The following PRDM1 variants were observed in gnomAD, a reference collection of about 807,000 sequenced individuals.
PRDM1 encodes the protein PR domain zinc finger protein 1.
PRDM1 carries 13 observed loss-of-function variants against 62.8 expected under a neutral mutation model. That is an observed-to-expected ratio of 0.21 (90% CI 0.13 to 0.33). The LOEUF (loss-of-function observed/expected upper bound fraction) is 0.33, where lower values mean the gene tolerates loss of function less well. Ranked by LOEUF, PRDM1 falls within the 10% of genes least tolerant of loss-of-function variation. The probability of loss-of-function intolerance (pLI) is 1.00; values close to 1 mark genes in which losing one functional copy is unlikely to be tolerated. For missense variants in PRDM1, 895 were observed against 1,058.8 expected, an observed-to-expected ratio of 0.85 and a Z score of 2.15; for synonymous variants, 396 against 417.6, an observed-to-expected ratio of 0.95 and a Z score of 0.63.
rs1018688399 is a variant in PRDM1 at position 106,086,398 on chromosome 6, G to T, written c.-156G>T. On this transcript the variant is annotated 5_prime_UTR_variant, in exon 1 of 7. Transcript: ENST00000369096. ...AGTGTTGCGGAGAGGCAAGAGCAGC[G>T]ACCGCGGCACCTGTCCGCCCGGAGC... is the stretch of plus-strand genomic sequence containing the variant. The T allele has an allele frequency of 4.9e-6, 3 of 612,856 alleles. No individual in the cohort carries two copies. The highest frequency in any genetic ancestry group is 2.2e-5 in the South Asian group (1 of 45,402). 38.0% of individuals were successfully genotyped at this position (612,856 alleles called of 1,614,324 possible).
chr6:106,008,164 A>T (rs1772504562), intron 1 of PRDM1, among the ~76,000 whole-genome samples: 1 of 152,116 alleles, frequency 6.6e-6, no homozygotes, highest in Admixed American at 6.6e-5. Context: ...CGAGGTCAAG[A>T]GATCGAGACC....
chr6:106,066,051 A>G (rs1188022420), intron 1 of PRDM1, among the ~76,000 whole-genome samples: 3 of 152,180 alleles, frequency 2.0e-5, no homozygotes, highest in Non-Finnish European at 4.4e-5. Flanking sequence ...AAAATCAAGG[A>G]TTTTCAATTA....
rs151271817 is a variant in PRDM1, at chr6:106,105,518, G to A, written c.1358G>A (p.Gly453Glu). The A allele has an allele frequency of 9.8e-5, 158 of 1,613,698 alleles. No individual in the cohort carries two copies. The African/African-American group carries it at 1.9e-3, about 19-fold the overall frequency. Residue 453 changes from glycine (G) to glutamate (E), a missense_variant, in exon 5 of 7, where the codon GGG (glycine) becomes GAG (glutamate). Gly to Glu is a moderately conservative substitution (Grantham distance 98, BLOSUM62 -2). Transcript: ENST00000369096. ...CCTGTCTACAGCAATCTCCTCGGTG[G>A]GGGCAGCCTGCCCCACCCCATGCTC... ...LCPVYSNLLG[G>E]GSLPHPMLNP...
chr6:106,088,296 G>C lies in PRDM1; in HGVS notation c.138G>C (p.Met46Ile), dbSNP rs141771201. ...TMKMDMEDAD[M>I]TLWTEAEFEE... ...AAATGGACATGGAGGATGCGGATATGACTCTGTGGACAGAGGCTGAGTTTG... is the reference window on the plus strand; with the variant it reads ...AAATGGACATGGAGGATGCGGATATCACTCTGTGGACAGAGGCTGAGTTTG... The change falls in exon 2 of 7, where the codon ATG becomes ATC. Residue 46 changes from methionine (M) to isoleucine (I), a missense_variant. By Grantham distance (10) the Met-to-Ile change is conservative (BLOSUM62 1). Transcript: ENST00000369096. The C allele has an allele frequency of 6.2e-7, 1 of 1,614,064 alleles. No individual in the cohort carries two copies. Among genetic ancestry groups the C allele is most frequent in the Non-Finnish European group, 8.5e-7 (1 of 1,180,050 alleles).
intron 1 of PRDM1, among the ~76,000 whole-genome samples, chr6:106,027,727 G>A (rs1202516669): frequency 1.3e-5 from 2 of 152,206 alleles, no homozygotes; most frequent in Non-Finnish European, 2.9e-5. Context: ...ATTCTAAGCA[G>A]TTTTGATTTC....
At chr6:106,021,804 G>C (rs1353945651) in intron 1 of PRDM1, among the ~76,000 whole-genome samples, 1 of 152,078 alleles carries the variant, frequency 6.6e-6, no homozygotes, top group Non-Finnish European at 1.5e-5. Flanking sequence ...ATTTTTAGTA[G>C]AAACAGGGTT....
intron 1 of PRDM1, among the ~76,000 whole-genome samples, chr6:106,069,632 G>C (rs997411019): frequency 6.6e-6 from 1 of 152,214 alleles, no homozygotes; most frequent in African/African-American, 2.4e-5. Context: ...AAAGAGGGAC[G>C]AGCTTCTCAG....
At chr6:106,079,175 G>C (rs1773651911) in intron 1 of PRDM1, among the ~76,000 whole-genome samples, 1 of 151,938 alleles carries the variant, frequency 6.6e-6, no homozygotes. Context: ...ATGTTGGCCA[G>C]GCTGGTCTCA....
intron 4 of PRDM1, 105 bp downstream of exon 4, chr6:106,099,657 G>A: frequency 6.8e-7 from 1 of 1,467,028 alleles, no homozygotes; most frequent in Non-Finnish European, 9.1e-7. Context: ...TCATGTGTTG[G>A]ATGAAGTAGG....
At chr6:106,031,120 T>C (rs1226907476) in intron 1 of PRDM1, among the ~76,000 whole-genome samples, 2 of 152,156 alleles carry the variant, frequency 1.3e-5, no homozygotes, top group Non-Finnish European at 2.9e-5. Flanking sequence ...GAGTTTGGCA[T>C]TCTGGTAAGT....
chr6:106,052,962 A>G lies in PRDM1; in HGVS notation c.-67+4248A>G, dbSNP rs141293554. 5.8e-3 allele frequency among the ~76,000 whole-genome samples: 889 copies of G among 152,138 alleles called. 13 individuals are homozygous for G. Among genetic ancestry groups the G allele is most frequent in the African/African-American group, 0.02 (843 of 41,504 alleles). ...AGCCTGTACAACAGAGTGAGACTCT[A>G]TCTCAAAAAAAAAAAGTTATGGTCA... On this transcript the variant is annotated intron_variant, in intron 1 of 6. Coordinates refer to the PRDM1 transcript ENST00000651185.
At chr6:106,060,778 T>C (rs1773333330) in intron 1 of PRDM1, among the ~76,000 whole-genome samples, 2 of 152,038 alleles carry the variant, frequency 1.3e-5, no homozygotes, top group Admixed American at 6.6e-5. Context: ...CATGGCATGA[T>C]GGCCATTAAG....
chr6:106,091,165 G>A (rs879567785), intron 2 of PRDM1, among the ~76,000 whole-genome samples: 3 of 152,032 alleles, frequency 2.0e-5, no homozygotes, highest in Non-Finnish European at 4.4e-5. Flanking sequence ...TTTTAGAAGC[G>A]TTACCCTGTA....
At chr6:106,091,940 C>T (rs1271257016) in intron 2 of PRDM1, among the ~76,000 whole-genome samples, 1 of 152,080 alleles carries the variant, frequency 6.6e-6, no homozygotes, top group African/African-American at 2.4e-5. Flanking sequence ...ATGGTCAAAA[C>T]AGAATTATAA....
intron 1 of PRDM1, chr6:106,078,238 A>G (rs947670718): frequency 6.6e-6 from 1 of 152,198 alleles, no homozygotes; most frequent in Non-Finnish European, 1.5e-5. Context: ...ACAGATTCAG[A>G]TGGCTGCAAG....
At chr6:106,071,504 ACTGG>A (rs1773520644) in intron 1 of PRDM1, among the ~76,000 whole-genome samples, 1 of 152,136 alleles carries the variant, frequency 6.6e-6, no homozygotes, top group African/African-American at 2.4e-5. Flanking sequence ...ATTTTCTGGT[ACTGG>A]ATATTGCATT....
intron 1 of PRDM1, among the ~76,000 whole-genome samples, chr6:106,076,061 C>T (rs572787701): frequency 9.9e-5 from 15 of 152,200 alleles, no homozygotes; most frequent in Middle Eastern, 3.4e-3. Context: ...AAGCCATCCT[C>T]CAACCTCAGC....
At chr6:106,036,213 A>G (rs948069552) in intron 1 of PRDM1, among the ~76,000 whole-genome samples, 2 of 151,984 alleles carry the variant, frequency 1.3e-5, no homozygotes, top group African/African-American at 2.4e-5. Context: ...CAGTGGTGCA[A>G]TCTCAGCTTA....
chr6:106,005,358 T>G (rs1772470909), intron 1 of PRDM1, among the ~76,000 whole-genome samples: 1 of 152,258 alleles, frequency 6.6e-6, no homozygotes. Flanking sequence ...CTAATCTGTC[T>G]GCTTGGCCAC....
Sources: allele counts gnomAD v4.1 joint callset (sites outside exome capture counted in the v4.1 genomes callset), GRCh38; gene constraint gnomAD v4.1.1; transcripts MANE v1.5; gene names NCBI Gene and HGNC (gene_info 2026-07-23, HGNC 2026-07-21).